LIPC: variants seen among roughly 807,000 people sequenced by gnomAD.
LIPC encodes lipase C, hepatic type, also known as hepatic triacylglycerol lipase.
LIPC carries 44 observed loss-of-function variants against 50.7 expected under a neutral mutation model. The ratio of observed to expected loss-of-function variants is 0.87; its 90% CI spans 0.68 to 1.11. The LOEUF (loss-of-function observed/expected upper bound fraction) is 1.11. LIPC is among the 50% of genes most tolerant of loss of function. The probability of loss-of-function intolerance (pLI) is 0.00; values close to 1 mark genes in which losing one functional copy is unlikely to be tolerated. For synonymous variants in LIPC, 271 were observed against 256.4 expected, an observed-to-expected ratio of 1.06 and a Z score of -0.54; for missense variants, 697 against 648.2, an observed-to-expected ratio of 1.08 and a Z score of -0.82.
At chr15:58,565,853 G>A in intron 8 of LIPC, 1 of 982,348 alleles carries the variant, frequency 1.0e-6, no homozygotes, top group Non-Finnish European at 1.2e-6. Context: ...ATTTTTTTTA[G>A]GTTGTAAATA....
chr15:58,442,939 G>A (rs1203179286), intron 1 of LIPC, among the ~76,000 whole-genome samples: 2 of 152,316 alleles, frequency 1.3e-5, no homozygotes, highest in East Asian at 1.9e-4. Context: ...GTTTTTCTGA[G>A]TCTCGCTCTG....
Position 58,545,840 on chromosome 15 carries a change from C to G in LIPC, c.673C>G (p.Arg225Gly). Residue 225 changes from arginine (R) to glycine (G), a missense_variant, in exon 5 of 9, where the codon CGG (arginine) becomes GGG (glycine). Transcript: ENST00000299022. ...TGTGGATGCCATTCATACCTTTACC[C>G]GGGAGCACATGGGCCTGAGCGTGGG... ...NFVDAIHTFT[R>G]EHMGLSVGIK... is the part of the protein sequence containing the mutation. 1 of 1,614,170 alleles carries G rather than the reference C, an allele frequency of 6.2e-7. No individual in the cohort carries two copies. Among genetic ancestry groups the G allele is most frequent in the Non-Finnish European group, 8.5e-7 (1 of 1,180,024 alleles).
intron 8 of LIPC, chr15:58,566,430 T>C: frequency 9.1e-6 from 9 of 985,132 alleles, no homozygotes; most frequent in Non-Finnish European, 1.1e-5. Flanking sequence ...CTCAGTTGTT[T>C]AGTGATAAAC....
chr15:58,526,177 A>G (rs1892795023), intron 1 of LIPC, among the ~76,000 whole-genome samples: 1 of 152,210 alleles, frequency 6.6e-6, no homozygotes. Context: ...TGGGAATGGC[A>G]CCCAGGAGTC....
chr15:58,452,684 C>T (rs564397144), intron 1 of LIPC, among the ~76,000 whole-genome samples: 53 of 148,872 alleles, frequency 3.6e-4, no homozygotes, highest in African/African-American at 1.3e-3. Context: ...GATAGTTCTG[C>T]TCTTTCACTC....
At chr15:58,511,151 T>C (rs1286419443) in intron 1 of LIPC, among the ~76,000 whole-genome samples, 1 of 152,236 alleles carries the variant, frequency 6.6e-6, no homozygotes, top group Non-Finnish European at 1.5e-5. Context: ...TCTTCTCGGC[T>C]ACATGAAATG....
intron 1 of LIPC, among the ~76,000 whole-genome samples, chr15:58,516,473 C>T (rs1055011406): frequency 3.6e-4 from 54 of 151,916 alleles, no homozygotes; most frequent in African/African-American, 1.2e-3. Context: ...TATATGAGGC[C>T]TCTTAAAATT....
chr15:58,535,188 C>A (rs969321651), intron 1 of LIPC, among the ~76,000 whole-genome samples: 10 of 152,346 alleles, frequency 6.6e-5, no homozygotes, highest in African/African-American at 1.9e-4. Flanking sequence ...AACACAGCAA[C>A]CACTTTTAAT....
intron 1 of LIPC, among the ~76,000 whole-genome samples, chr15:58,503,261 G>C (rs1240952559): frequency 6.6e-6 from 1 of 152,138 alleles, no homozygotes; most frequent in Non-Finnish European, 1.5e-5. Flanking sequence ...TTGTCTTCCT[G>C]GTGTAAGAGA....
At chr15:58,522,287 G>C (rs1892681320) in intron 1 of LIPC, 1 of 153,390 alleles carries the variant, frequency 6.5e-6, no homozygotes, top group Non-Finnish European at 1.5e-5. Flanking sequence ...TCCCTGGCTG[G>C]GTAGCATGGG....
chr15:58,521,927 C>A (rs1467078750), intron 1 of LIPC: 1 of 151,944 alleles, frequency 6.6e-6, no homozygotes, highest in African/African-American at 2.4e-5. Flanking sequence ...CTCTCTCTCT[C>A]TCTTTCCTTC....
rs1300155206 is a variant in LIPC, at chr15:58,563,471, A to G, written c.1170-34A>G. ...ACCGTCACTTTGCTGTTACGACTAAACTGATTGTGTCTGATTTTCTTTGTG... is the reference window on the plus strand; with the variant it reads ...ACCGTCACTTTGCTGTTACGACTAAGCTGATTGTGTCTGATTTTCTTTGTG... On this transcript the variant is annotated intron_variant, in intron 7 of 8. Coordinates refer to ENST00000299022, the MANE Select transcript of LIPC (RefSeq NM_000236.3). 5.8e-6 allele frequency: 9 copies of G among 1,558,954 alleles called. No homozygotes were observed. In the East Asian group the frequency reaches 1.8e-4, roughly 31 times the overall value.
intron 1 of LIPC, among the ~76,000 whole-genome samples, chr15:58,441,484 T>A (rs1457718782): frequency 2.0e-5 from 3 of 152,206 alleles, no homozygotes; most frequent in Admixed American, 2.0e-4. Flanking sequence ...CTGTAAAGAA[T>A]ATTGGGTAGG....
At chr15:58,501,966 C>T (rs1891999570) in intron 1 of LIPC, among the ~76,000 whole-genome samples, 5 of 152,220 alleles carry the variant, frequency 3.3e-5, no homozygotes, top group African/African-American at 9.6e-5. Flanking sequence ...AGTGAAATTC[C>T]AGCTCACCCA....
In LIPC at chr15:58,563,716, CAGCAA is replaced by C; in HGVS notation, c.1384_1388del (p.Gln462AsnfsTer10). On this transcript the variant is annotated frameshift_variant and splice_region_variant, in exon 8 of 9. Transcript: ENST00000299022. LOFTEE classifies it high-confidence loss of function. ...GATCAGAGTCAAAGCAGGAGAAACC[CAGCAA>C]AGGTGACTGCTGATTCAATCTCCTA... 1 of 1,612,594 alleles carries C rather than the reference CAGCAA, an allele frequency of 6.2e-7. No individual in the cohort carries two copies. Among genetic ancestry groups the C allele is most frequent in the Non-Finnish European group, 8.5e-7 (1 of 1,179,804 alleles).
intron 1 of LIPC, among the ~76,000 whole-genome samples, chr15:58,513,523 G>A (rs1892396144): frequency 6.6e-6 from 1 of 152,172 alleles, no homozygotes; most frequent in African/African-American, 2.4e-5. Context: ...ACTCCTGTTA[G>A]CCAAGCCAGC....
At chr15:58,525,632 G>A (rs532001916) in intron 1 of LIPC, among the ~76,000 whole-genome samples, 34 of 152,286 alleles carry the variant, frequency 2.2e-4, no homozygotes, top group African/African-American at 5.5e-4. Context: ...CTTTGAGGCC[G>A]GTGTTCTGGG....
chr15:58,446,481 G>A (rs1893698413), intron 1 of LIPC, among the ~76,000 whole-genome samples: 4 of 152,294 alleles, frequency 2.6e-5, no homozygotes, highest in Middle Eastern at 3.4e-3. Flanking sequence ...TGTTGATAGC[G>A]TTTTTCAGAC....
chr15:58,541,844 G>T lies in LIPC; in HGVS notation c.333G>T (p.Pro111=). Residue 111 remains proline, a synonymous_variant, in exon 3 of 9, where the codon CCG becomes CCT. Transcript: ENST00000299022. ...TGGTGGCCGCGCTGAAGTCTCAGCC[G>T]GCCCAGCCAGTGAACGTGGGGCTGG... ...WQMVAALKSQ[P]AQPVNVGLVD... The T allele has an allele frequency of 6.2e-7, 1 of 1,612,974 alleles. No individual in the cohort carries two copies. The highest frequency in any genetic ancestry group is 8.5e-7 in the Non-Finnish European group (1 of 1,179,964).
Sources: gnomAD v4.1 joint callset for allele counts (sites outside exome capture counted in the v4.1 genomes callset) on GRCh38, gnomAD v4.1.1 for gene constraint, MANE v1.5 for transcripts, NCBI Gene and HGNC (gene_info 2026-07-23, HGNC 2026-07-21) for gene names.